RFTN1: variants seen among roughly 807,000 people sequenced by gnomAD.
RFTN1 encodes the protein raftlin, lipid raft linker 1.
A neutral mutation model predicts 46.5 loss-of-function variants in RFTN1; 26 were observed. The observed-to-expected ratio is 0.56, with a 90% CI of 0.41 to 0.78. RFTN1 has a LOEUF of 0.78. Ranked by LOEUF, RFTN1 falls within the 30% of genes least tolerant of loss-of-function variation. The pLI, the probability that RFTN1 is intolerant of heterozygous loss-of-function variation, is 0.00. For synonymous variants in RFTN1, 261 were observed against 284.2 expected, an observed-to-expected ratio of 0.92 and a Z score of 0.82; for missense variants, 693 against 718.7, an observed-to-expected ratio of 0.96 and a Z score of 0.41.
rs961622784 is a variant in RFTN1 at position 16,353,900 on chromosome 3, T to G, written c.1146+4032A>C. Among the ~76,000 whole-genome samples, 2 of 152,162 alleles carry G rather than the reference T, an allele frequency of 1.3e-5. No homozygotes were observed. The highest frequency in any genetic ancestry group is 4.8e-5 in the African/African-American group (2 of 41,434). On this transcript the variant is annotated intron_variant, in intron 7 of 9. Coordinates refer to ENST00000334133, the MANE Select transcript of RFTN1 (RefSeq NM_015150.2). This position sits in a 1 kb window ranked among gnomAD's most constrained non-coding sequence, Gnocchi z 5.4. Reference sequence around the variant, plus strand: ...GCCTCCAGAACTGAGAGGAAAGAAATTTCTGTCGTTTAATCCGTCTAGTCT... The same window carrying G: ...GCCTCCAGAACTGAGAGGAAAGAAAGTTCTGTCGTTTAATCCGTCTAGTCT...
chr3:16,417,127 A>G (rs1406016008), intron 3 of RFTN1, among the ~76,000 whole-genome samples: 1 of 149,382 alleles, frequency 6.7e-6, no homozygotes, highest in Admixed American at 6.7e-5. Flanking sequence ...CTCCCACCTC[A>G]GCCCCCCAAG....
rs2074959916 is a variant in RFTN1 at position 16,410,352 on chromosome 3, G to T, written c.333-869C>A. On this transcript the variant is annotated intron_variant, in intron 3 of 9. Transcript: ENST00000334133. The surrounding 1 kb of genome is among the most constrained non-coding windows in gnomAD (Gnocchi z 4.6). The stretch of plus-strand genomic sequence containing the variant: ...CAAGACATACACCAAACCAATAATA[G>T]CAGGTACCCCTGGGGAATGGGGAAG... Among the ~76,000 whole-genome samples, 1 of 151,860 alleles carries T rather than the reference G, an allele frequency of 6.6e-6. No homozygotes were observed. The highest frequency in any genetic ancestry group is 6.6e-5 in the Admixed American group (1 of 15,242).
chr3:16,453,659 A>G (rs950616492), intron 2 of RFTN1, among the ~76,000 whole-genome samples: 2 of 152,234 alleles, frequency 1.3e-5, no homozygotes, highest in Admixed American at 6.5e-5. Context: ...TTGGAAAAAA[A>G]TAAAGCATGA....
chr3:16,321,730 G>A lies in RFTN1; in HGVS notation c.1332+1646C>T, dbSNP rs1035027678. On this transcript the variant is annotated intron_variant, in intron 9 of 9. Transcript: ENST00000334133. This position sits in a 1 kb window ranked among gnomAD's most constrained non-coding sequence, Gnocchi z 4.8. ...GAAAGAGAAAGCAGTCCACCCAGAT[G>A]AGTACAGCTGCTTGGGATTAGAAGT... Among the ~76,000 whole-genome samples the A allele has an allele frequency of 2.6e-5, 4 of 152,202 alleles. No homozygotes were observed. The highest frequency in any genetic ancestry group is 7.2e-5 in the African/African-American group (3 of 41,444).
Position 16,421,095 on chromosome 3 carries a change from C to T in RFTN1, c.333-11612G>A, listed in dbSNP as rs1057341019. On this transcript the variant is annotated intron_variant, in intron 3 of 9. Coordinates refer to ENST00000334133, the MANE Select transcript of RFTN1 (RefSeq NM_015150.2). This position sits in a 1 kb window ranked among gnomAD's most constrained non-coding sequence, Gnocchi z 4.6. ...TTCCTGAGTACCACTGTACTAACAT[C>T]TTACATATGTTATAAAACAAAACAT... 6.6e-6 allele frequency among the ~76,000 whole-genome samples: 1 copy of T among 152,206 alleles called. No homozygotes were observed. The highest frequency in any genetic ancestry group is 2.1e-4 in the South Asian group (1 of 4,834).
At chr3:16,365,839 A>C (rs562855473) in intron 6 of RFTN1, among the ~76,000 whole-genome samples, 1 of 152,340 alleles carries the variant, frequency 6.6e-6, no homozygotes, top group African/African-American at 2.4e-5. Context: ...GCCATTCTGC[A>C]GAATAAGAGG....
intron 5 of RFTN1, among the ~76,000 whole-genome samples, chr3:16,371,206 C>G (rs1242469892): frequency 6.6e-6 from 1 of 152,222 alleles, no homozygotes; most frequent in African/African-American, 2.4e-5. Flanking sequence ...CCCCACCCTT[C>G]TTTGAAGCAA....
chr3:16,332,363 T>A (rs689675), intron 7 of RFTN1, among the ~76,000 whole-genome samples: 54,663 of 151,708 alleles, frequency 0.36, 10,654 homozygotes, highest in Non-Finnish European at 0.43. Context: ...TTTTTAAATT[T>A]TCTGCTGCCC....
intron 2 of RFTN1, 127 bp downstream of exon 2, chr3:16,493,598 A>C: frequency 4.7e-6 from 4 of 843,712 alleles, no homozygotes; most frequent in Non-Finnish European, 7.2e-6. Context: ...CCCCCTTGAG[A>C]CAGGCCTGCC....
At chr3:16,493,608 C>T (rs1235579128) in intron 2 of RFTN1, 117 bp downstream of exon 2, 7 of 970,764 alleles carry the variant, frequency 7.2e-6, no homozygotes, top group Non-Finnish European at 9.1e-6. Flanking sequence ...ACAGGCCTGC[C>T]CTTTTCATTT....
chr3:16,326,886 C>A lies in RFTN1; in HGVS notation c.1147-10G>T. 1 of 1,609,630 alleles carries A rather than the reference C, an allele frequency of 6.2e-7. No individual in the cohort carries two copies. Among genetic ancestry groups the A allele is most frequent in the South Asian group, 1.1e-5 (1 of 90,642 alleles). On this transcript the variant is annotated splice_polypyrimidine_tract_variant and intron_variant, in intron 7 of 9. Coordinates refer to ENST00000334133, the MANE Select transcript of RFTN1 (RefSeq NM_015150.2). ...TCTGCACTTCGACACCCTGGGGGAA[C>A]AAGGCCAGCATTAGGGCTGCTGCTG...
At chr3:16,482,700 T>C (rs1262187480) in intron 2 of RFTN1, 2 of 1,355,392 alleles carry the variant, frequency 1.5e-6, no homozygotes, top group Non-Finnish European at 1.0e-6. Context: ...CATGCCACAT[T>C]AGCTGTTATT....
intron 4 of RFTN1, among the ~76,000 whole-genome samples, chr3:16,403,039 C>T (rs1038294232): frequency 6.6e-6 from 1 of 152,170 alleles, no homozygotes; most frequent in East Asian, 1.9e-4. Flanking sequence ...GCAGGCAGGA[C>T]GAGGCAATTT....
rs561228881 is a variant in RFTN1, at chr3:16,394,080, T to C, written c.441+15295A>G. Among the ~76,000 whole-genome samples, 21 of 152,172 alleles carry C rather than the reference T, an allele frequency of 1.4e-4. No homozygotes were observed. The South Asian group carries it at 4.4e-3, about 32-fold the overall frequency. On this transcript the variant is annotated intron_variant, in intron 4 of 9. Coordinates refer to ENST00000334133, the MANE Select transcript of RFTN1 (RefSeq NM_015150.2). ...TTAAAGATGGCTTTTAAAAAAGCAA[T>C]GCAGGGCTGGGCATCATGGCTTATA... is the stretch of plus-strand genomic sequence containing the variant.
At chr3:16,326,964 C>T in intron 7 of RFTN1, 88 bp from the exon 8 acceptor site, 1 of 970,204 alleles carries the variant, frequency 1.0e-6, no homozygotes, top group East Asian at 2.6e-5. Flanking sequence ...TGCCAATCCG[C>T]AAAACAGAAA....
intron 2 of RFTN1, chr3:16,471,931 C>T (rs1356094478): frequency 6.6e-5 from 10 of 152,210 alleles, no homozygotes; most frequent in African/African-American, 2.2e-4. Flanking sequence ...CTTTCACCAG[C>T]GCCCACACCA....
At position 16,377,718 on chromosome 3, in the gene RFTN1, T is replaced by C. The variant is rs756606239; in HGVS notation, c.826A>G (p.Lys276Glu). ...LEVHEEPLSG[K>E]MEIFTLFNKP... ...AAACTCCCATTGCTGACATACTTACTCCCTGAGAGTGGCTCTTCATGCACC... is the reference window on the plus strand; with the variant it reads ...AAACTCCCATTGCTGACATACTTACCCCCTGAGAGTGGCTCTTCATGCACC... Residue 276 changes from lysine to glutamate, a missense_variant and splice_region_variant, in exon 5 of 10, where the codon AAA becomes GAA. Physicochemically the swap from Lys to Glu is moderately conservative, Grantham distance 56. Transcript: ENST00000334133. The C allele has an allele frequency of 1.3e-6, 2 of 1,584,216 alleles. No individual in the cohort carries two copies. Among genetic ancestry groups the C allele is most frequent in the Non-Finnish European group, 1.7e-6 (2 of 1,159,150 alleles).
intron 4 of RFTN1, among the ~76,000 whole-genome samples, chr3:16,401,609 C>T (rs2074604000): frequency 6.6e-6 from 1 of 152,194 alleles, no homozygotes; most frequent in Non-Finnish European, 1.5e-5. Flanking sequence ...CTCCCTCTAC[C>T]TTGGAAAAGT....
rs2074221232 is a variant in RFTN1, at chr3:16,387,561, A to C, written c.442-9459T>G. On this transcript the variant is annotated intron_variant, in intron 4 of 9. Transcript: ENST00000334133. This position sits in a 1 kb window ranked among gnomAD's most constrained non-coding sequence, Gnocchi z 5.2. ...ACTTAGGACCACTTCTCTCTTCTAT[A>C]TCCTCAATTTCTCTCTCTCTCTCTC... Among the ~76,000 whole-genome samples, 2 of 81,552 alleles carry C rather than the reference A, an allele frequency of 2.5e-5. No individual in the cohort carries two copies. The highest frequency in any genetic ancestry group is 1.2e-4 in the Admixed American group (1 of 8,034). The allele number at this position is 81,552 out of a possible 152,430, so 53.5% of individuals were successfully genotyped here.
Sources: gnomAD v4.1 joint callset for allele counts (sites outside exome capture counted in the v4.1 genomes callset) on GRCh38, gnomAD v4.1.1 for gene constraint, Gnocchi (gnomAD v3.1) non-coding constraint, MANE v1.5 for transcripts, NCBI Gene and HGNC (gene_info 2026-07-23, HGNC 2026-07-21) for gene names.